ADAMTSL1: variants seen among roughly 807,000 people sequenced by gnomAD.
ADAMTSL1 encodes the protein ADAMTS like 1, also known as ADAMTS-like protein 1.
A neutral mutation model predicts 201.8 loss-of-function variants in ADAMTSL1; 126 were observed. The observed-to-expected ratio is 0.62, with a 90% CI of 0.54 to 0.72. ADAMTSL1 has a LOEUF of 0.72. ADAMTSL1 is among the 30% of genes least tolerant of loss of function. The pLI is 0.00. For missense variants in ADAMTSL1, 2,679 were observed against 2,277.8 expected (o/e 1.18, Z -3.59); for synonymous variants, 1,121 against 903.4 (o/e 1.24, Z -4.32).
intron 2 of ADAMTSL1, among the ~76,000 whole-genome samples, chr9:18,442,065 CT>C (rs1411422026): frequency 6.6e-6 from 1 of 152,134 alleles, no homozygotes; most frequent in African/African-American, 2.4e-5. Context: ...GAGCAGGTGG[CT>C]TTTTGTTATT....
At chr9:18,658,011 G>C (rs573434887) in intron 8 of ADAMTSL1, among the ~76,000 whole-genome samples, 3 of 139,338 alleles carry the variant, frequency 2.2e-5, no homozygotes, top group Non-Finnish European at 4.5e-5. Context: ...GTCTCGCACT[G>C]TCGCCCAGGC....
At chr9:17,906,922 G>A (rs1178385992) in exon 1 of ADAMTSL1, 1 of 152,290 alleles carries the variant, frequency 6.6e-6, no homozygotes, top group Non-Finnish European at 1.5e-5. Flanking sequence ...TCGCCGGACA[G>A]GTAGGGTAGC....
At chr9:18,474,370 T>C in intron 1 of ADAMTSL1, 75 bp downstream of exon 1, 2 of 1,375,852 alleles carry the variant, frequency 1.5e-6, no homozygotes, top group Non-Finnish European at 2.1e-6. Context: ...TGTGTGTATG[T>C]GTGTTTGTGT....
At chr9:18,675,775 A>AC in intron 9 of ADAMTSL1, 82 bp from the exon 10 acceptor site, 1 of 1,262,066 alleles carries the variant, frequency 7.9e-7, no homozygotes. Flanking sequence ...TTGTATTAAA[A>AC]ATTTGTATAA....
At chr9:18,439,000 T>C (rs2275513) in intron 2 of ADAMTSL1, among the ~76,000 whole-genome samples, 2 of 152,034 alleles carry the variant, frequency 1.3e-5, no homozygotes, top group South Asian at 2.1e-4. Flanking sequence ...GGTTTTTTTT[T>C]TTTTCTTTTT....
At chr9:18,437,786 T>C (rs552973633) in intron 2 of ADAMTSL1, among the ~76,000 whole-genome samples, 4 of 152,276 alleles carry the variant, frequency 2.6e-5, no homozygotes, top group African/African-American at 7.2e-5. Context: ...GGAGATCACA[T>C]GACCTTTTGA....
chr9:18,281,775 G>T (rs939252975), intron 2 of ADAMTSL1, among the ~76,000 whole-genome samples: 2 of 151,982 alleles, frequency 1.3e-5, no homozygotes, highest in South Asian at 2.1e-4. Context: ...TTCCTGTTTT[G>T]CTCAGGCTGG....
chr9:18,194,679 A>G (rs1829102524), intron 2 of ADAMTSL1, among the ~76,000 whole-genome samples: 1 of 152,114 alleles, frequency 6.6e-6, no homozygotes, highest in Admixed American at 6.6e-5. Context: ...CCCAGGGTCT[A>G]GGACTGTACA....
chr9:18,307,927 T>C (rs535891367), intron 2 of ADAMTSL1, among the ~76,000 whole-genome samples: 10 of 152,284 alleles, frequency 6.6e-5, no homozygotes, highest in African/African-American at 2.4e-4. Context: ...TATTTTAAAA[T>C]TGACCACATA....
At chr9:18,339,094 G>A (rs898963252) in intron 2 of ADAMTSL1, among the ~76,000 whole-genome samples, 1 of 150,374 alleles carries the variant, frequency 6.7e-6, no homozygotes, top group African/African-American at 2.5e-5. Flanking sequence ...ACTCATGCAC[G>A]TGTCTTTATG....
rs569685553 is a variant in ADAMTSL1 at position 18,241,538 on chromosome 9, T to C, written c.207+77557T>C. 2.0e-5 allele frequency among the ~76,000 whole-genome samples: 3 copies of C among 152,236 alleles called. No individual in the cohort carries two copies. In the East Asian group the frequency reaches 5.8e-4, roughly 29 times the overall value. ...GTAGACTAAAACAGCCAAAATGTGT[T>C]TCTTCTCTCTTTAAAAAAAAAATTT... On this transcript the variant is annotated intron_variant, in intron 2 of 29. Transcript: ENST00000680146.
At chr9:18,688,689 A>AAATATATATATATATATATAT in intron 13 of ADAMTSL1, among the ~76,000 whole-genome samples, 1 of 8,652 alleles carries the variant, frequency 1.2e-4, no homozygotes, top group Non-Finnish European at 2.2e-4. Context: ...AAAAAAAAAA[A>AAATATATATATATATATATAT]ATATATATAT....
Position 18,681,706 on chromosome 9 carries a change from G to GGGGGC in ADAMTSL1, c.1342-103_1342-102insGCGGG, listed in dbSNP as rs1830497623. 7.0e-6 allele frequency: 4 copies of GGGGGC among 569,210 alleles called. No homozygotes were observed. The African/African-American group carries it at 8.7e-5, about 12-fold the overall frequency. The allele number at this position is 569,210 out of a possible 1,614,324, so 35.3% of individuals were successfully genotyped here. A position where few individuals can be genotyped will look rare whatever the true frequency, so the allele number is the denominator to read the frequency against. ...ACCAGGAGTCCTCGTGTGGGGGGGG[G>GGGGGC]GGGCGGGGAAAAAGAAAACTTAGAT... On this transcript the variant is annotated intron_variant, in intron 11 of 28. Coordinates refer to ENST00000380548, the MANE Select transcript of ADAMTSL1 (RefSeq NM_001040272.6).
intron 4 of ADAMTSL1, among the ~76,000 whole-genome samples, chr9:18,620,015 A>ATTTT (rs35177614): frequency 2.0e-5 from 2 of 101,252 alleles, no homozygotes; most frequent in African/African-American, 3.9e-5. Flanking sequence ...CAGTTTTCTG[A>ATTTT]TTTTTTTTTT....
At chr9:18,342,507 C>A (rs941821752) in intron 2 of ADAMTSL1, among the ~76,000 whole-genome samples, 2 of 152,166 alleles carry the variant, frequency 1.3e-5, no homozygotes, top group Non-Finnish European at 2.9e-5. Flanking sequence ...TTAGTTACAT[C>A]TCTCTAAGTT....
rs570002573 is a variant in ADAMTSL1, at chr9:18,328,061, C to T, written c.207+164080C>T. The stretch of plus-strand genomic sequence containing the variant: ...ACAAGATTCAAATAATGTTGTAGTA[C>T]ATCTCTCAAAGAAGTGTTACAAGTC... On this transcript the variant is annotated intron_variant, in intron 2 of 29. Coordinates refer to the ADAMTSL1 transcript ENST00000680146. Among the ~76,000 whole-genome samples, 14 of 152,274 alleles carry T rather than the reference C, an allele frequency of 9.2e-5. No homozygotes were observed. In the East Asian group the frequency reaches 2.3e-3, roughly 25 times the overall value.
intron 2 of ADAMTSL1, among the ~76,000 whole-genome samples, chr9:18,261,689 G>A (rs986771964): frequency 5.9e-5 from 9 of 152,206 alleles, no homozygotes; most frequent in African/African-American, 1.7e-4. Flanking sequence ...TCCTTGAATA[G>A]CTGTTGTCCC....
intron 4 of ADAMTSL1, among the ~76,000 whole-genome samples, chr9:18,614,323 A>G (rs996947010): frequency 2.6e-5 from 4 of 152,168 alleles, no homozygotes; most frequent in Non-Finnish European, 5.9e-5. Flanking sequence ...GGAACATGGT[A>G]TCTTATAGAC....
chr9:18,254,599 G>C (rs917873669), intron 2 of ADAMTSL1, among the ~76,000 whole-genome samples: 1 of 151,508 alleles, frequency 6.6e-6, no homozygotes, highest in Non-Finnish European at 1.5e-5. Flanking sequence ...TCCTGACTTC[G>C]TGATCCGCCC....
Sources: allele counts gnomAD v4.1 joint callset (sites outside exome capture counted in the v4.1 genomes callset), GRCh38; gene constraint gnomAD v4.1.1; transcripts MANE v1.5; gene names NCBI Gene and HGNC (gene_info 2026-07-23, HGNC 2026-07-21).